KLHDC1: variants seen among roughly 807,000 people sequenced by gnomAD.
KLHDC1 encodes kelch domain containing 1, also known as kelch domain-containing protein 1.
In KLHDC1, 53 loss-of-function variants were observed where a neutral mutation model predicts 68.3. The observed-to-expected ratio is 0.78, with a 90% CI of 0.62 to 0.98. KLHDC1 has a LOEUF of 0.98. Among genes scored for constraint, KLHDC1 ranks in the 50% least tolerant of loss-of-function variants. The pLI is 0.00. For missense variants in KLHDC1, 470 were observed against 492.3 expected (o/e 0.95, Z 0.43); for synonymous variants, 148 against 159.0 (o/e 0.93, Z 0.52).
intron 4 of KLHDC1, among the ~76,000 whole-genome samples, chr14:49,719,349 T>A (rs1950874138): frequency 6.6e-6 from 1 of 151,888 alleles, no homozygotes; most frequent in Non-Finnish European, 1.5e-5. Flanking sequence ...CGTTATGATT[T>A]CTTTGACCAT....
chr14:49,710,966 C>T lies in KLHDC1; in HGVS notation c.404+585C>T, dbSNP rs1888181964. Among the ~76,000 whole-genome samples the T allele has an allele frequency of 2.0e-5, 3 of 151,730 alleles. No homozygotes were observed. The South Asian group carries it at 6.2e-4, about 32-fold the overall frequency. On this transcript the variant is annotated intron_variant, in intron 4 of 12. Coordinates refer to ENST00000359332, the MANE Select transcript of KLHDC1 (RefSeq NM_172193.3). Reference sequence around the variant, plus strand: ...TCATTTCTGAAATGAGTTTTTCTCCCCTTTTATTTCTTTCCTAATTTTTTT... The same window carrying T: ...TCATTTCTGAAATGAGTTTTTCTCCTCTTTTATTTCTTTCCTAATTTTTTT...
chr14:49,737,642 A>T (rs1246164355), intron 10 of KLHDC1, among the ~76,000 whole-genome samples: 2 of 151,656 alleles, frequency 1.3e-5, no homozygotes, highest in Non-Finnish European at 2.9e-5. Context: ...AGGTGAGAGG[A>T]TTGCTTAAGC....
intron 1 of KLHDC1, among the ~76,000 whole-genome samples, chr14:49,703,298 A>C (rs372247450): frequency 6.6e-6 from 1 of 151,706 alleles, no homozygotes; most frequent in African/African-American, 2.4e-5. Flanking sequence ...ATCTCTAAAC[A>C]ATATATTATT....
intron 1 of KLHDC1, among the ~76,000 whole-genome samples, chr14:49,698,219 CCT>C (rs1234820015): frequency 6.6e-6 from 1 of 152,108 alleles, no homozygotes; most frequent in African/African-American, 2.4e-5. Context: ...ATATTTTTCC[CCT>C]GAGACGGAGT....
chr14:49,704,387 G>GTTTTTTTTTTTTTTTTCTTTTTTTT (rs1887989987), intron 1 of KLHDC1, among the ~76,000 whole-genome samples: 1 of 68,690 alleles, frequency 1.5e-5, no homozygotes, highest in African/African-American at 6.4e-5. Context: ...TTCCTTTTCT[G>GTTTTTTTTTTTTTTTTCTTTTTTTT]TTTTTTTTTT....
At position 49,721,944 on chromosome 14, in the gene KLHDC1, G is replaced by T. The variant is rs1888536125; in HGVS notation, c.405-1930G>T. Among the ~76,000 whole-genome samples, 3 of 152,142 alleles carry T rather than the reference G, an allele frequency of 2.0e-5. No homozygotes were observed. In the South Asian group the frequency reaches 6.2e-4, roughly 31 times the overall value. ...TAAATATTTGGCATGCCCCTGAGGT[G>T]TTTCTTTCAGATCTCCTGTTTGCAT... On this transcript the variant is annotated intron_variant, in intron 4 of 12. Coordinates refer to ENST00000359332, the MANE Select transcript of KLHDC1 (RefSeq NM_172193.3).
At chr14:49,717,142 T>G (rs2139746147) in intron 4 of KLHDC1, among the ~76,000 whole-genome samples, 1 of 152,342 alleles carries the variant, frequency 6.6e-6, no homozygotes, top group East Asian at 1.9e-4. Flanking sequence ...TGTGTCTACC[T>G]TTTCGCTATT....
rs753947687 is a variant in KLHDC1 at position 49,751,610 on chromosome 14, A to C, written c.1059A>C (p.Lys353Asn). Residue 353 changes from lysine to asparagine, a missense_variant, in exon 13 of 13, where the codon AAA (lysine) becomes AAC (asparagine). Transcript: ENST00000359332. ...GGTCATGCCTTGACTGCATTGGTAA[A>C]AATTCTATCATGTTAGAAAGTCAGA... ...LLRSCLDCIG[K>N]NSIMLESQIS... The C allele has an allele frequency of 6.4e-7, 1 of 1,571,532 alleles. No individual in the cohort carries two copies. The highest frequency in any genetic ancestry group is 1.2e-5 in the South Asian group (1 of 83,814).
At chr14:49,740,016 A>G (rs952574611) in intron 10 of KLHDC1, 82 bp from the exon 11 acceptor site, 3 of 725,612 alleles carry the variant, frequency 4.1e-6, no homozygotes, top group South Asian at 4.2e-5. Flanking sequence ...ATTTTAGAGT[A>G]TGAAATTTAG....
rs539091727 is a variant in KLHDC1, at chr14:49,709,749, T to A, written c.208T>A (p.Ser70Thr). 2 of 1,603,702 alleles carry A rather than the reference T, an allele frequency of 1.2e-6. No individual in the cohort carries two copies. The highest frequency in any genetic ancestry group is 2.7e-5 in the African/African-American group (2 of 74,108). ...GGAAGGAGAACTCCCAGCCTCCATG[T>A]CAGGAAGCTGTGGTGCTTGCATTAA... ...LMEGELPASM[S>T]GSCGACINGK... The change falls in exon 3 of 13, where the codon TCA becomes ACA. Residue 70 changes from serine to threonine, a missense_variant. Coordinates refer to ENST00000359332, the MANE Select transcript of KLHDC1 (RefSeq NM_172193.3).
At chr14:49,699,492 C>A (rs990579586) in intron 1 of KLHDC1, among the ~76,000 whole-genome samples, 1 of 151,586 alleles carries the variant, frequency 6.6e-6, no homozygotes. Flanking sequence ...TATCTTATTC[C>A]GATCGTTCTA....
chr14:49,731,550 A>G (rs745585889), intron 8 of KLHDC1, among the ~76,000 whole-genome samples: 2 of 151,550 alleles, frequency 1.3e-5, no homozygotes, highest in South Asian at 2.1e-4. Context: ...GCTCACTACA[A>G]CCTCCACCTC....
chr14:49,694,781 G>C (rs1566589954), intron 1 of KLHDC1, among the ~76,000 whole-genome samples: 1 of 152,196 alleles, frequency 6.6e-6, no homozygotes, highest in Non-Finnish European at 1.5e-5. Flanking sequence ...TTGGACCCGG[G>C]AGGCGGAGGT....
At chr14:49,728,759 G>A (rs1159916914) in intron 6 of KLHDC1, among the ~76,000 whole-genome samples, 167 bp from the exon 7 acceptor site, 2 of 152,172 alleles carry the variant, frequency 1.3e-5, no homozygotes, top group Non-Finnish European at 2.9e-5. Flanking sequence ...AATAGTATTT[G>A]TCTACAATTA....
chr14:49,739,244 TA>T (rs1419496876), intron 10 of KLHDC1, among the ~76,000 whole-genome samples: 1 of 152,088 alleles, frequency 6.6e-6, no homozygotes, highest in African/African-American at 2.4e-5. Context: ...GCTTTTCTCA[TA>T]GGGGAAGCAA....
At position 49,749,677 on chromosome 14, in the gene KLHDC1, C is replaced by CAA. The variant is rs1191978580; in HGVS notation, c.1035-1890_1035-1889dup. 7.5e-3 allele frequency among the ~76,000 whole-genome samples: 401 copies of CAA among 53,602 alleles called. 4 individuals are homozygous for CAA. The highest frequency in any genetic ancestry group is 0.025 in the African/African-American group (378 of 14,906). The allele number at this position is 53,602 out of a possible 152,430, so 35.2% of individuals were successfully genotyped here. A position where few individuals can be genotyped will look rare whatever the true frequency, so the allele number is the denominator to read the frequency against. On this transcript the variant is annotated intron_variant, in intron 12 of 12. Transcript: ENST00000359332. The stretch of plus-strand genomic sequence containing the variant: ...TGCGCAACAGAGTGAGACTCCGTCT[C>CAA]AAAAAAAAAAAAAAAAAAAAGAAAT...
At chr14:49,713,834 A>T (rs1196386023) in intron 4 of KLHDC1, among the ~76,000 whole-genome samples, 182 of 2,290 alleles carry the variant, frequency 0.079, 15 homozygotes, top group Middle Eastern at 0.25. Flanking sequence ...ATATATATAT[A>T]TATATATATA....
intron 6 of KLHDC1, among the ~76,000 whole-genome samples, chr14:49,726,416 TAAAAC>T (rs1193705409): frequency 6.6e-6 from 1 of 151,814 alleles, no homozygotes; most frequent in Non-Finnish European, 1.5e-5. Flanking sequence ...AATAAACAAA[TAAAAC>T]AAAAAAATGC....
chr14:49,712,304 T>C (rs1888226555), intron 4 of KLHDC1, among the ~76,000 whole-genome samples: 1 of 152,152 alleles, frequency 6.6e-6, no homozygotes, highest in South Asian at 2.1e-4. Context: ...ATTTATTTGA[T>C]AAAGAAACCA....
Sources: gnomAD v4.1 joint callset for allele counts (sites outside exome capture counted in the v4.1 genomes callset) on GRCh38, gnomAD v4.1.1 for gene constraint, MANE v1.5 for transcripts, NCBI Gene and HGNC (gene_info 2026-07-23, HGNC 2026-07-21) for gene names.